Variants in COPG1 observed in about 807,000 individuals in gnomAD.
COPG1 encodes the protein coat protein complex I subunit gamma 1, also known as coatomer subunit gamma-1.
In COPG1, 29 loss-of-function variants were observed where a neutral mutation model predicts 102.8. The observed-to-expected ratio is 0.28, with a 90% CI of 0.21 to 0.38. The LOEUF is 0.38. Among genes scored for constraint, COPG1 ranks in the 10% least tolerant of loss-of-function variants. The pLI is 1.00. For synonymous variants in COPG1, 406 were observed against 421.6 expected (o/e 0.96, Z 0.45); for missense variants, 875 against 1,132.7 (o/e 0.77, Z 3.27).
intron 1 of COPG1, among the ~76,000 whole-genome samples, chr3:129,250,375 T>A (rs1446621069): frequency 6.6e-6 from 1 of 152,172 alleles, no homozygotes; most frequent in Non-Finnish European, 1.5e-5. Context: ...GAGATGGTGG[T>A]CCCTGGCACA....
Position 129,275,106 on chromosome 3 carries a change from C to A in COPG1, c.2396-88C>A. On this transcript the variant is annotated intron_variant, in intron 22 of 23. Transcript: ENST00000314797. The surrounding 1 kb of genome is among the most constrained non-coding windows in gnomAD (Gnocchi z 5.0). ...GGAGCACATATGTCAAATGCCACTT[C>A]ATTAAAAGCCCTTCAGAACATGGGG... 6.7e-7 allele frequency: 1 copy of A among 1,499,706 alleles called. No individual in the cohort carries two copies. Among genetic ancestry groups the A allele is most frequent in the Non-Finnish European group, 9.2e-7 (1 of 1,081,526 alleles). 92.9% of individuals were successfully genotyped at this position (1,499,706 alleles called of 1,614,324 possible).
Position 129,252,912 on chromosome 3 carries a change from G to A in COPG1, c.280G>A (p.Glu94Lys), listed in dbSNP as rs1242539848. ...TCGGATGTGCTACTTGACCATCAAG[G>A]AGATGTCTTGCATTGCAGAGGATGT... ...LRRMCYLTIK[E>K]MSCIAEDVII... Residue 94 changes from glutamate to lysine, a missense_variant, in exon 5 of 24, where the codon GAG (glutamate) becomes AAG (lysine). By Grantham distance (56) the Glu-to-Lys change is moderately conservative (BLOSUM62 1). Coordinates refer to ENST00000314797, the MANE Select transcript of COPG1 (RefSeq NM_016128.4). 1 of 1,614,186 alleles carries A rather than the reference G, an allele frequency of 6.2e-7. No individual in the cohort carries two copies. The highest frequency in any genetic ancestry group is 8.5e-7 in the Non-Finnish European group (1 of 1,180,030).
rs752847374 is a variant in COPG1 at position 129,263,949 on chromosome 3, C to G, written c.1174C>G (p.Arg392Gly). Reference protein sequence around the residue: ...AISALCQKYPRKHAVLMNFLF... With the variant: ...AISALCQKYPGKHAVLMNFLF... ...CAGTGCCCTGTGTCAGAAATATCCT[C>G]GCAAACACGCCGTCCTTATGAACTT... The change falls in exon 13 of 24, where the codon CGC (arginine) becomes GGC (glycine). Residue 392 changes from arginine (R) to glycine (G), a missense_variant. Arg to Gly is a moderately radical substitution (Grantham distance 125). Coordinates refer to ENST00000314797, the MANE Select transcript of COPG1 (RefSeq NM_016128.4). 1 of 1,614,056 alleles carries G rather than the reference C, an allele frequency of 6.2e-7. No homozygotes were observed. Among genetic ancestry groups the G allele is most frequent in the Admixed American group, 1.7e-5 (1 of 60,000 alleles).
chr3:129,251,691 T>C, intron 2 of COPG1, among the ~76,000 whole-genome samples: 1 of 150,292 alleles, frequency 6.7e-6, no homozygotes, highest in Non-Finnish European at 1.5e-5. Context: ...CGGCCACTTC[T>C]CTTTTTTTTT....
At chr3:129,259,612 T>A (rs57850344) in intron 10 of COPG1, among the ~76,000 whole-genome samples, 4,164 of 151,770 alleles carry the variant, frequency 0.027, 139 homozygotes, top group East Asian at 0.11. Flanking sequence ...TTAAGAAAAA[T>A]TTTTTTTGAG....
At chr3:129,254,126 C>T (rs1290113769) in intron 5 of COPG1, among the ~76,000 whole-genome samples, 1 of 151,540 alleles carries the variant, frequency 6.6e-6, no homozygotes, top group Non-Finnish European at 1.5e-5. Context: ...GTGAAACCCC[C>T]TCTCTACTAA....
chr3:129,260,274 G>T, intron 10 of COPG1, 59 bp from the exon 11 acceptor site: 1 of 1,516,700 alleles, frequency 6.6e-7, no homozygotes, highest in Admixed American at 1.7e-5. Flanking sequence ...GTAGCCCCCG[G>T]TTTTCCCAGC....
At chr3:129,268,803 A>T in intron 17 of COPG1, 129 bp from the exon 18 acceptor site, 1 of 1,112,920 alleles carries the variant, frequency 9.0e-7, no homozygotes, top group Non-Finnish European at 1.4e-6. Context: ...GGGCTCTCTC[A>T]CATGTCTTCT....
At chr3:129,251,916 C>T (rs556466275) in intron 2 of COPG1, among the ~76,000 whole-genome samples, 6 of 143,946 alleles carry the variant, frequency 4.2e-5, no homozygotes, top group Admixed American at 2.8e-4. Flanking sequence ...TCGAACTGAC[C>T]TCAGGTGATC....
Position 129,249,672 on chromosome 3 carries a change from AG to A in COPG1, c.-37del. 6.4e-7 allele frequency: 1 copy of A among 1,550,474 alleles called. No homozygotes were observed. The highest frequency in any genetic ancestry group is 8.7e-7 in the Non-Finnish European group (1 of 1,146,608). ...CCGCTACTCCGTGCCGCGCCCGTCG[AG>A]CATTGCGTTGCTGCATTGCGCCCCA... On this transcript the variant is annotated 5_prime_UTR_variant, in exon 1 of 24. Coordinates refer to ENST00000314797, the MANE Select transcript of COPG1 (RefSeq NM_016128.4).
Position 129,275,347 on chromosome 3 carries a change from C to T in COPG1, c.2494+55C>T. 2 of 1,391,210 alleles carry T rather than the reference C, an allele frequency of 1.4e-6. No individual in the cohort carries two copies. The highest frequency in any genetic ancestry group is 2.0e-6 in the Non-Finnish European group (2 of 979,304). The allele number at this position is 1,391,210 out of a possible 1,614,324, so 86.2% of individuals were successfully genotyped here. On this transcript the variant is annotated intron_variant, in intron 23 of 23. Transcript: ENST00000314797. This position sits in a 1 kb window ranked among gnomAD's most constrained non-coding sequence, Gnocchi z 5.0. The stretch of plus-strand genomic sequence containing the variant: ...TGGATAGCTTACAGCCTGGATGCCA[C>T]TGGATCCTGGGCTAAGGACTCCACT...
rs1259461549 is a variant in COPG1, at chr3:129,252,701, G to A, written c.243+7G>A. ...GCTCTTTCAGTCCAATGATGTAAGTGCCTCAACCCAGCTTTCCTTGAGAGG... is the reference window on the plus strand; with the variant it reads ...GCTCTTTCAGTCCAATGATGTAAGTACCTCAACCCAGCTTTCCTTGAGAGG... On this transcript the variant is annotated splice_region_variant and intron_variant, in intron 4 of 23. Coordinates refer to ENST00000314797, the MANE Select transcript of COPG1 (RefSeq NM_016128.4). The A allele has an allele frequency of 5.0e-6, 8 of 1,613,466 alleles. No homozygotes were observed. The highest frequency in any genetic ancestry group is 5.9e-6 in the Non-Finnish European group (7 of 1,179,518).
chr3:129,260,875 A>G, intron 12 of COPG1, 68 bp downstream of exon 12: 2 of 1,523,652 alleles, frequency 1.3e-6, no homozygotes, highest in Non-Finnish European at 1.8e-6. Flanking sequence ...CTCTGTGGCC[A>G]CAGCCTTCCT....
chr3:129,273,314 G>A (rs1163765141), intron 21 of COPG1, among the ~76,000 whole-genome samples: 3 of 152,198 alleles, frequency 2.0e-5, no homozygotes, highest in African/African-American at 4.8e-5. Flanking sequence ...GTGAGCCACC[G>A]CGCCCGGCCT....
At chr3:129,260,012 C>G (rs1939892495) in intron 10 of COPG1, among the ~76,000 whole-genome samples, 1 of 152,204 alleles carries the variant, frequency 6.6e-6, no homozygotes, top group Non-Finnish European at 1.5e-5. Flanking sequence ...GTGCCTCAGT[C>G]TCCTTATCTG....
chr3:129,255,138 A>G, intron 7 of COPG1, 61 bp downstream of exon 7: 2 of 1,061,836 alleles, frequency 1.9e-6, no homozygotes, highest in African/African-American at 1.6e-5. Flanking sequence ...AAAATTTAAG[A>G]GTCACATTCC....
intron 12 of COPG1, among the ~76,000 whole-genome samples, chr3:129,262,399 C>T (rs1939942526): frequency 6.6e-6 from 1 of 151,898 alleles, no homozygotes; most frequent in African/African-American, 2.4e-5. Context: ...ACTAGAGGCA[C>T]CCGCCACCAT....
At chr3:129,266,234 G>A (rs2107677252) in intron 14 of COPG1, among the ~76,000 whole-genome samples, 1 of 152,232 alleles carries the variant, frequency 6.6e-6, no homozygotes, top group Non-Finnish European at 1.5e-5. Flanking sequence ...CCTCCCAAAA[G>A]TGCTGGGATT....
intron 18 of COPG1, among the ~76,000 whole-genome samples, chr3:129,270,225 G>A (rs577268395): frequency 6.6e-6 from 1 of 151,838 alleles, no homozygotes; most frequent in African/African-American, 2.4e-5. Context: ...ATTAGCATGT[G>A]GGCATCTTGG....
Sources: allele counts gnomAD v4.1 joint callset (sites outside exome capture counted in the v4.1 genomes callset), GRCh38; gene constraint gnomAD v4.1.1; non-coding constraint Gnocchi (gnomAD v3.1); transcripts MANE v1.5; gene names NCBI Gene and HGNC (gene_info 2026-07-23, HGNC 2026-07-21).